The following GABRA3 variants were observed in gnomAD, a reference collection of about 807,000 sequenced individuals.
GABRA3 encodes the protein gamma-aminobutyric acid receptor subunit alpha-3.
In GABRA3, 10 loss-of-function variants were observed where a neutral mutation model predicts 30.1. That is an observed-to-expected ratio of 0.33 (90% confidence interval 0.20 to 0.56). The LOEUF is 0.56. Among genes scored for constraint, GABRA3 ranks in the 20% least tolerant of loss-of-function variants. The pLI is 0.89. For missense variants in GABRA3, 233 were observed against 392.0 expected, an observed-to-expected ratio of 0.59 and a Z score of 3.42; for synonymous variants, 151 against 146.8, an observed-to-expected ratio of 1.03 and a Z score of -0.21.
intron 6 of GABRA3, among the ~76,000 whole-genome samples, chrX:152,221,302 G>C (rs1449259509): frequency 1.8e-5 from 2 of 108,545 alleles, no homozygotes; most frequent in Admixed American, 2.0e-4. Flanking sequence ...ATCATGTGAT[G>C]TAAGAGTCAA....
At chrX:152,380,853 C>T (rs1050572949) in intron 1 of GABRA3, among the ~76,000 whole-genome samples, 2 of 111,767 alleles carry the variant, frequency 1.8e-5, no homozygotes, top group Admixed American at 9.5e-5. Flanking sequence ...CAAGCTTATA[C>T]TGAGATCTGA....
Position 152,208,041 on chromosome X carries a change from C to A in GABRA3, c.738G>T (p.Leu246Phe). The stretch of plus-strand genomic sequence containing the variant: ...TTATCTCTGTCCCAACAACATGGCC[C>A]AAAAGGTCATACTGGTTCAAGCGAG... ...DGSRLNQYDL[L>F]GHVVGTEIIR... Residue 246 changes from leucine to phenylalanine, a missense_variant, in exon 7 of 10, where the codon TTG becomes TTT. Physicochemically the swap from Leu to Phe is conservative, Grantham distance 22. Transcript: ENST00000370314. The A allele has an allele frequency of 8.3e-7, 1 of 1,211,348 alleles. No homozygotes were observed. Among genetic ancestry groups the A allele is most frequent in the Non-Finnish European group, 1.1e-6 (1 of 895,262 alleles).
At chrX:152,319,223 G>A (rs925683947) in intron 3 of GABRA3, among the ~76,000 whole-genome samples, 4 of 111,176 alleles carry the variant, frequency 3.6e-5, no homozygotes, top group Admixed American at 2.9e-4. Context: ...ACTAGAAAAA[G>A]CAATCCTAAA....
chrX:152,266,558 G>C (rs1036088268), intron 4 of GABRA3, among the ~76,000 whole-genome samples: 2 of 111,210 alleles, frequency 1.8e-5, no homozygotes, highest in African/African-American at 6.5e-5. Flanking sequence ...GATAATTTTA[G>C]ATAAGTAAAA....
chrX:152,363,195 C>A (rs1051005699), intron 2 of GABRA3, among the ~76,000 whole-genome samples: 3 of 111,728 alleles, frequency 2.7e-5, no homozygotes, highest in African/African-American at 6.5e-5. Context: ...GAGGGGTGAA[C>A]AAAAGAAGAC....
intron 1 of GABRA3, among the ~76,000 whole-genome samples, chrX:152,398,552 A>C (rs1316841753): frequency 1.8e-5 from 2 of 111,572 alleles, no homozygotes; most frequent in African/African-American, 6.5e-5. Context: ...CTTAGAAAAC[A>C]GAATGAAGGG....
intron 7 of GABRA3, among the ~76,000 whole-genome samples, chrX:152,201,098 G>A (rs927027281): frequency 2.0e-4 from 23 of 112,444 alleles, no homozygotes; most frequent in South Asian, 1.8e-3. Context: ...TCATTTCTAT[G>A]GGTGGAACTT....
chrX:152,177,871 A>C (rs1379311701), intron 9 of GABRA3, among the ~76,000 whole-genome samples: 1 of 112,029 alleles, frequency 8.9e-6, no homozygotes, highest in South Asian at 3.7e-4. Context: ...CAAGATGAAG[A>C]AAAATAGAGT....
At chrX:152,238,365 C>T (rs1484308954) in intron 5 of GABRA3, among the ~76,000 whole-genome samples, 1 of 100,962 alleles carries the variant, frequency 9.9e-6, no homozygotes, top group African/African-American at 3.9e-5. Flanking sequence ...GGTGGATAAG[C>T]TTTTTGATGT....
chrX:152,235,093 A>G (rs1938171274), intron 5 of GABRA3, among the ~76,000 whole-genome samples: 1 of 111,897 alleles, frequency 8.9e-6, no homozygotes, highest in Non-Finnish European at 1.9e-5. Flanking sequence ...TGACTCTTCC[A>G]ATGCATAAGC....
chrX:152,352,745 C>G (rs961447954), intron 2 of GABRA3, among the ~76,000 whole-genome samples: 2 of 111,304 alleles, frequency 1.8e-5, no homozygotes, highest in African/African-American at 6.5e-5. Flanking sequence ...GCTCACAAAC[C>G]TTTCATAACT....
intron 6 of GABRA3, among the ~76,000 whole-genome samples, chrX:152,222,647 T>G (rs183129585): frequency 1.8e-5 from 2 of 110,528 alleles, no homozygotes; most frequent in East Asian, 5.8e-4. Flanking sequence ...CCATACATTG[T>G]GTATAAAACT....
At chrX:152,333,417 TAAG>T (rs1193118257) in intron 3 of GABRA3, among the ~76,000 whole-genome samples, 2 of 111,805 alleles carry the variant, frequency 1.8e-5, no homozygotes, top group African/African-American at 6.5e-5. Flanking sequence ...TCCACTGAAA[TAAG>T]AAACAAAACA....
intron 7 of GABRA3, among the ~76,000 whole-genome samples, chrX:152,198,593 T>C (rs1447469637): frequency 8.9e-6 from 1 of 112,061 alleles, no homozygotes; most frequent in Non-Finnish European, 1.9e-5. Context: ...TCTTCCCTCT[T>C]GTAATCACTC....
intron 6 of GABRA3, among the ~76,000 whole-genome samples, chrX:152,221,724 C>A (rs767664707): frequency 6.3e-5 from 7 of 111,709 alleles, no homozygotes; most frequent in African/African-American, 2.3e-4. Context: ...CTTTTATTAA[C>A]TTTTATTTTA....
intron 5 of GABRA3, among the ~76,000 whole-genome samples, chrX:152,237,265 T>C (rs1938242060): frequency 9.0e-6 from 1 of 110,645 alleles, no homozygotes; most frequent in African/African-American, 3.3e-5. Flanking sequence ...CCTTTCCCCA[T>C]TTCTTGTTTT....
At chrX:152,320,950 T>C (rs1431635752) in intron 3 of GABRA3, among the ~76,000 whole-genome samples, 1 of 111,815 alleles carries the variant, frequency 8.9e-6, no homozygotes, top group Non-Finnish European at 1.9e-5. Flanking sequence ...ATAAACATGC[T>C]AAAATAAACA....
chrX:152,352,926 T>C (rs1008525428), intron 2 of GABRA3, among the ~76,000 whole-genome samples: 2 of 111,274 alleles, frequency 1.8e-5, no homozygotes, highest in African/African-American at 3.3e-5. Context: ...CATGTTTTCA[T>C]TTTTCAAGTC....
intron 1 of GABRA3, among the ~76,000 whole-genome samples, chrX:152,430,657 A>G (rs1930629289): frequency 1.8e-5 from 2 of 112,024 alleles, no homozygotes; most frequent in South Asian, 7.4e-4. Flanking sequence ...CATCTATGAA[A>G]AAAGGACAAG....
Sources: gnomAD v4.1 joint callset for allele counts (sites outside exome capture counted in the v4.1 genomes callset) on GRCh38, gnomAD v4.1.1 for gene constraint, MANE v1.5 for transcripts, NCBI Gene and HGNC (gene_info 2026-07-23, HGNC 2026-07-21) for gene names.